The following KIF26B variants were observed in gnomAD, a reference collection of about 807,000 sequenced individuals.
The protein encoded by KIF26B is kinesin-like protein KIF26B.
In KIF26B, 63 loss-of-function variants were observed where a neutral mutation model predicts 151.2. The ratio of observed to expected loss-of-function variants is 0.42; its 90% CI spans 0.34 to 0.51. The LOEUF (loss-of-function observed/expected upper bound fraction) is 0.51, where lower values mean the gene tolerates loss of function less well. Among genes scored for constraint, KIF26B ranks in the 20% least tolerant of loss-of-function variants. KIF26B has a pLI of 0.07. For missense variants in KIF26B, 2,813 were observed against 2,913.6 expected, an observed-to-expected ratio of 0.97 and a Z score of 0.79; for synonymous variants, 1,357 against 1,262.1, an observed-to-expected ratio of 1.08 and a Z score of -1.59.
chr1:245,539,722 G>A (rs571116530), intron 4 of KIF26B, among the ~76,000 whole-genome samples: 305 of 152,194 alleles, frequency 2.0e-3, no homozygotes, highest in African/African-American at 7.2e-3. Context: ...GCGCTATCTG[G>A]GCTCACTGCA....
At chr1:245,612,001 G>A (rs751009970) in intron 9 of KIF26B, 25 bp downstream of exon 9, 1 of 1,605,758 alleles carries the variant, frequency 6.2e-7, no homozygotes, top group Admixed American at 1.7e-5. Flanking sequence ...CCACCCTCCT[G>A]CCTCCTTAGC....
At chr1:245,156,184 G>A (rs1168245717) in intron 1 of KIF26B, 98 bp from the exon 2 acceptor site, 20 of 1,464,698 alleles carry the variant, frequency 1.4e-5, no homozygotes, top group Middle Eastern at 2.5e-4. Context: ...TCCCGTGGGC[G>A]GTTCGAGCGG....
At chr1:245,681,829 T>C (rs1352876389) in intron 10 of KIF26B, among the ~76,000 whole-genome samples, 4 of 152,272 alleles carry the variant, frequency 2.6e-5, no homozygotes, top group Admixed American at 1.3e-4. Context: ...TAATTCATTA[T>C]TTTGAAGAAA....
At chr1:245,695,156 G>A (rs1045142773) in intron 12 of KIF26B, among the ~76,000 whole-genome samples, 3 of 152,170 alleles carry the variant, frequency 2.0e-5, no homozygotes, top group African/African-American at 7.2e-5. Flanking sequence ...TGGAAATGCT[G>A]GAGCATGCAG....
At chr1:245,438,811 T>C (rs1383352033) in intron 4 of KIF26B, among the ~76,000 whole-genome samples, 3 of 152,170 alleles carry the variant, frequency 2.0e-5, no homozygotes, top group Admixed American at 1.3e-4. Context: ...GAAGGCTACA[T>C]ATGCTGTGAT....
intron 2 of KIF26B, among the ~76,000 whole-genome samples, chr1:245,356,481 T>C (rs1238298924): frequency 1.3e-5 from 2 of 151,834 alleles, no homozygotes; most frequent in African/African-American, 2.4e-5. Flanking sequence ...TGCTTGAACC[T>C]AGGAGGCAGA....
chr1:245,202,381 G>A (rs1201955381), intron 2 of KIF26B, among the ~76,000 whole-genome samples: 1 of 152,048 alleles, frequency 6.6e-6, no homozygotes, highest in Non-Finnish European at 1.5e-5. Context: ...AAGTGTGGCA[G>A]ATCTAGGTTC....
At chr1:245,646,400 A>T (rs2043947631) in intron 10 of KIF26B, 120 bp downstream of exon 10, 6 of 1,047,508 alleles carry the variant, frequency 5.7e-6, no homozygotes, top group Non-Finnish European at 8.1e-6. Context: ...TTATAAGTTC[A>T]GTGCCAGAGA....
rs34022501 is a variant in KIF26B at position 245,619,603 on chromosome 1, CAAAAAAA to C, written c.2098+7640_2098+7646del. ...CCTGGGCAATAGAGGGAAACTGTTT[CAAAAAAA>C]AAAAAAAAAAAAGAATCTCTGGGCT... is the stretch of plus-strand genomic sequence containing the variant. On this transcript the variant is annotated intron_variant, in intron 9 of 14. Coordinates refer to ENST00000407071, the MANE Select transcript of KIF26B (RefSeq NM_018012.4). 4.6e-3 allele frequency among the ~76,000 whole-genome samples: 513 copies of C among 110,764 alleles called. 2 individuals are homozygous for C. The highest frequency in any genetic ancestry group is 0.017 in the African/African-American group (480 of 27,994). 72.7% of individuals were successfully genotyped at this position (110,764 alleles called of 152,430 possible). A position where few individuals can be genotyped will look rare whatever the true frequency, so the allele number is the denominator to read the frequency against.
At chr1:245,608,972 T>G (rs573940137) in intron 7 of KIF26B, among the ~76,000 whole-genome samples, 54 of 152,234 alleles carry the variant, frequency 3.5e-4, no homozygotes, top group African/African-American at 1.3e-3. Context: ...CAGACTGGCC[T>G]GGAACTCCTG....
chr1:245,215,730 A>G (rs180988656), intron 2 of KIF26B, among the ~76,000 whole-genome samples: 2 of 152,234 alleles, frequency 1.3e-5, no homozygotes, highest in East Asian at 3.9e-4. Flanking sequence ...GATAGAAGAA[A>G]TTGGGTGACT....
At chr1:245,362,214 T>C (rs968276664) in intron 2 of KIF26B, among the ~76,000 whole-genome samples, 7 of 151,320 alleles carry the variant, frequency 4.6e-5, no homozygotes, top group Non-Finnish European at 8.8e-5. Flanking sequence ...AGGGAGCTGG[T>C]AAGCATCGAC....
At chr1:245,416,788 G>A (rs1674431236) in intron 3 of KIF26B, among the ~76,000 whole-genome samples, 1 of 152,178 alleles carries the variant, frequency 6.6e-6, no homozygotes, top group South Asian at 2.1e-4. Flanking sequence ...GTGAAACTGA[G>A]GGGGAGGTAA....
At chr1:245,234,605 T>C (rs1395283768) in intron 2 of KIF26B, 1 of 152,540 alleles carries the variant, frequency 6.6e-6, no homozygotes, top group Non-Finnish European at 1.5e-5. Context: ...TGGGCAGGAC[T>C]GGGTTGGAGA....
chr1:245,270,273 CTTTCCTT>C (rs879466953), intron 2 of KIF26B, among the ~76,000 whole-genome samples: 45,461 of 124,000 alleles, frequency 0.37, 12,244 homozygotes, highest in East Asian at 0.48. Flanking sequence ...CTTTCCCTTC[CTTTCCTT>C]CTTTCCTTCC....
chr1:245,203,348 CA>C (rs1275535781), intron 2 of KIF26B, among the ~76,000 whole-genome samples: 1 of 152,064 alleles, frequency 6.6e-6, no homozygotes, highest in Non-Finnish European at 1.5e-5. Context: ...TGGATTGCCA[CA>C]AGAATGTTTT....
intron 2 of KIF26B, among the ~76,000 whole-genome samples, chr1:245,321,113 C>T (rs980716488): frequency 3.3e-5 from 5 of 152,194 alleles, no homozygotes. Context: ...CACACAGAGT[C>T]GTTTCACTAC....
chr1:245,412,813 G>C (rs1287543500), intron 3 of KIF26B, among the ~76,000 whole-genome samples: 1 of 152,184 alleles, frequency 6.6e-6, no homozygotes, highest in Non-Finnish European at 1.5e-5. Flanking sequence ...TGTGGCCTGT[G>C]AAAAGCAGAC....
chr1:245,324,666 C>T (rs549311061), intron 2 of KIF26B, among the ~76,000 whole-genome samples: 7 of 152,256 alleles, frequency 4.6e-5, no homozygotes, highest in Admixed American at 2.0e-4. Context: ...GGGCCCTGCA[C>T]TGCCTCTGGA....
Sources: allele counts gnomAD v4.1 joint callset (sites outside exome capture counted in the v4.1 genomes callset), GRCh38; gene constraint gnomAD v4.1.1; transcripts MANE v1.5; gene names NCBI Gene and HGNC (gene_info 2026-07-23, HGNC 2026-07-21).